The following MS4A7 variants were observed in gnomAD, a reference collection of about 807,000 sequenced individuals.
MS4A7 encodes the protein membrane spanning 4-domains A7.
A neutral mutation model predicts 23.5 loss-of-function variants in MS4A7; 21 were observed. The ratio of observed to expected loss-of-function variants is 0.89; its 90% CI spans 0.63 to 1.29. The LOEUF (loss-of-function observed/expected upper bound fraction) is 1.29, where lower values mean the gene tolerates loss of function less well. MS4A7 is among the 50% of genes most tolerant of loss of function. The probability of loss-of-function intolerance (pLI) is 0.00; values close to 1 mark genes in which losing one functional copy is unlikely to be tolerated. For synonymous variants in MS4A7, 111 were observed against 107.4 expected, an observed-to-expected ratio of 1.03 and a Z score of -0.21; for missense variants, 263 against 274.2, an observed-to-expected ratio of 0.96 and a Z score of 0.29.
chr11:60,385,852 G>A (rs994293009), intron 3 of MS4A7, among the ~76,000 whole-genome samples: 4 of 152,204 alleles, frequency 2.6e-5, no homozygotes, highest in Non-Finnish European at 5.9e-5. Context: ...TCTTCTCCAC[G>A]TAGTATTTGG....
Position 60,383,258 on chromosome 11 carries a change from C to T in MS4A7, c.117C>T (p.Asn39=), listed in dbSNP as rs767560560. The T allele has an allele frequency of 1.5e-5, 25 of 1,613,998 alleles. No individual in the cohort carries two copies. Among genetic ancestry groups the T allele is most frequent in the Middle Eastern group, 3.3e-4 (2 of 6,084 alleles). The change falls in exon 2 of 7, where the codon AAC becomes AAT. Residue 39 remains asparagine, a synonymous_variant. Coordinates refer to ENST00000300184, the MANE Select transcript of MS4A7 (RefSeq NM_021201.5). The part of the protein sequence containing the change: ...HMYQNEDYLQ[N]GLPTETTVLG... ...ACCAAAACGAAGATTACCTGCAGAA[C>T]GGGCTGCCAACAGAAACCACCGTTC...
intron 5 of MS4A7, 79 bp from the exon 6 acceptor site, chr11:60,392,606 C>T: frequency 9.7e-7 from 1 of 1,029,094 alleles, no homozygotes; most frequent in South Asian, 1.4e-5. Flanking sequence ...TTGCTGGAGC[C>T]TCATCGCCCT....
intron 1 of MS4A7, among the ~76,000 whole-genome samples, 176 bp downstream of exon 1, chr11:60,378,840 G>A (rs1040080728): frequency 6.6e-6 from 1 of 152,202 alleles, no homozygotes; most frequent in South Asian, 2.1e-4. Context: ...AGAAAATTGG[G>A]TAAAACCATT....
At chr11:60,379,314 G>A (rs75613915) in intron 1 of MS4A7, among the ~76,000 whole-genome samples, 3,654 of 152,234 alleles carry the variant, frequency 0.024, 148 homozygotes, top group African/African-American at 0.077. Flanking sequence ...ATTAAATGCA[G>A]GAGGTATCAC....
chr11:60,385,097 A>T lies in MS4A7; in HGVS notation c.157A>T (p.Ile53Phe). 1 of 1,613,834 alleles carries T rather than the reference A, an allele frequency of 6.2e-7. No individual in the cohort carries two copies. Among genetic ancestry groups the T allele is most frequent in the Non-Finnish European group, 8.5e-7 (1 of 1,179,818 alleles). Residue 53 changes from isoleucine to phenylalanine, a missense_variant, in exon 3 of 7, where the codon ATC becomes TTC. Transcript: ENST00000300184. The part of the protein sequence containing the change: ...TETTVLGTVQ[I>F]LCCLLISSLG... ...GTCTTCTCTCTTGTAGACTGTCCAGATCCTGTGTTGCCTGTTGATTTCAAG... is the reference window on the plus strand; with the variant it reads ...GTCTTCTCTCTTGTAGACTGTCCAGTTCCTGTGTTGCCTGTTGATTTCAAG...
chr11:60,381,623 C>T (rs999893828), intron 1 of MS4A7, among the ~76,000 whole-genome samples: 1 of 152,150 alleles, frequency 6.6e-6, no homozygotes, highest in Non-Finnish European at 1.5e-5. Flanking sequence ...CTGCCTACGG[C>T]CAGCTCATCA....
At chr11:60,385,030 A>G in intron 2 of MS4A7, 58 bp from the exon 3 acceptor site, 1 of 1,511,680 alleles carries the variant, frequency 6.6e-7, no homozygotes, top group East Asian at 2.3e-5. Context: ...TGTGCATTCA[A>G]ATAATCACTT....
Position 60,383,229 on chromosome 11 carries a change from A to G in MS4A7, c.88A>G (p.Met30Val), listed in dbSNP as rs190611238. 2 of 1,614,206 alleles carry G rather than the reference A, an allele frequency of 1.2e-6. No individual in the cohort carries two copies. The highest frequency in any genetic ancestry group is 1.7e-5 in the Admixed American group (1 of 60,036). The change falls in exon 2 of 7, where the codon ATG (methionine) becomes GTG (valine). Residue 30 changes from methionine to valine, a missense_variant. By Grantham distance (21) the Met-to-Val change is conservative. Transcript: ENST00000300184. ...CCCTCAAAGAGAGAAACCTGGACAC[A>G]TGTACCAAAACGAAGATTACCTGCA... ...TIPQREKPGHMYQNEDYLQNG... is the reference protein window; with the variant it reads ...TIPQREKPGHVYQNEDYLQNG...
In MS4A7 at chr11:60,386,731, A is replaced by T; in HGVS notation, c.297A>T (p.Gly99=). ...CTTCTGGGCAGTTTGGCATTACTGG[A>T]TCCCTCTCAATTATCTCTGGAAAAC... ...FLGALCFGIT[G]SLSIISGKQS... is the part of the protein sequence containing the mutation. Residue 99 remains glycine (G), a synonymous_variant, in exon 4 of 7, where the codon GGA becomes GGT. Transcript: ENST00000300184. The T allele has an allele frequency of 6.2e-7, 1 of 1,613,208 alleles. No individual in the cohort carries two copies. Among genetic ancestry groups the T allele is most frequent in the Non-Finnish European group, 8.5e-7 (1 of 1,179,296 alleles).
intron 1 of MS4A7, 29 bp from the exon 2 acceptor site, chr11:60,383,100 A>C (rs763249933): frequency 6.2e-7 from 1 of 1,605,976 alleles, no homozygotes; most frequent in African/African-American, 1.3e-5. Context: ...AAACCTTGGG[A>C]AGTAACTGAG....
rs1462457353 is a variant in MS4A7, at chr11:60,394,820, A to G, written c.*959A>G. On this transcript the variant is annotated 3_prime_UTR_variant, in exon 7 of 7. Coordinates refer to ENST00000300184, the MANE Select transcript of MS4A7 (RefSeq NM_021201.5). ...TCCATCTCAAAATAAATAAAAAAAT[A>G]AATAAAAATAAAAATAGACTATATA... The G allele has an allele frequency of 3.3e-5, 12 of 368,138 alleles. No homozygotes were observed. The highest frequency in any genetic ancestry group is 1.3e-4 in the Admixed American group (3 of 22,334). 22.8% of individuals were successfully genotyped at this position (368,138 alleles called of 1,614,324 possible).
At position 60,394,120 on chromosome 11, in the gene MS4A7, CAGA is replaced by C. The variant is rs1413500851; in HGVS notation, c.*262_*264del. 1 of 298,230 alleles carries C rather than the reference CAGA, an allele frequency of 3.4e-6. No homozygotes were observed. The highest frequency in any genetic ancestry group is 6.1e-6 in the Non-Finnish European group (1 of 163,510). 18.5% of individuals were successfully genotyped at this position (298,230 alleles called of 1,614,324 possible). Reference sequence around the variant, plus strand: ...TATAAACTGCTTTGGGTAAACTGAGCAGAAGGTGATACACAGAAGGGAAAATGT... The same window carrying C: ...TATAAACTGCTTTGGGTAAACTGAGCAGGTGATACACAGAAGGGAAAATGT... On this transcript the variant is annotated 3_prime_UTR_variant, in exon 7 of 7. Transcript: ENST00000300184.
At chr11:60,386,677 C>A in intron 3 of MS4A7, 40 bp from the exon 4 acceptor site, 5 of 1,547,274 alleles carry the variant, frequency 3.2e-6, no homozygotes, top group African/African-American at 1.4e-5. Context: ...CACATTTCCA[C>A]AAGACAACTG....
At chr11:60,386,817 G>T in intron 4 of MS4A7, 44 bp downstream of exon 4, 1 of 1,425,786 alleles carries the variant, frequency 7.0e-7, no homozygotes, top group Non-Finnish European at 9.8e-7. Context: ...GGAATTGAAG[G>T]AACGTCAGAG....
chr11:60,390,131 A>C (rs2085535624), intron 5 of MS4A7: 1 of 157,090 alleles, frequency 6.4e-6, no homozygotes, highest in African/African-American at 2.4e-5. Flanking sequence ...TTAGGCACAA[A>C]ACTTGAACCT....
intron 5 of MS4A7, 64 bp from the exon 6 acceptor site, chr11:60,392,621 C>T (rs1342303302): frequency 1.6e-6 from 2 of 1,278,384 alleles, no homozygotes; most frequent in African/African-American, 3.0e-5. Flanking sequence ...CGCCCTGTCT[C>T]CTCTTAGCCA....
In MS4A7 at chr11:60,395,439, A is replaced by G. The variant is rs2085606077; in HGVS notation, c.*1578A>G. 1 of 152,366 alleles carries G rather than the reference A, an allele frequency of 6.6e-6. No individual in the cohort carries two copies. Among genetic ancestry groups the G allele is most frequent in the Admixed American group, 6.5e-5 (1 of 15,278 alleles). 9.4% of individuals were successfully genotyped at this position (152,366 alleles called of 1,614,324 possible). On this transcript the variant is annotated 3_prime_UTR_variant, in exon 7 of 7. Transcript: ENST00000300184. ...CTGCTATCGATGGTCGCTACAAACCAGGAAATACTCAAGTTATTATGTGTA... is the reference window on the plus strand; with the variant it reads ...CTGCTATCGATGGTCGCTACAAACCGGGAAATACTCAAGTTATTATGTGTA...
intron 5 of MS4A7, among the ~76,000 whole-genome samples, chr11:60,391,351 A>C (rs1003054010): frequency 3.9e-5 from 6 of 152,210 alleles, no homozygotes; most frequent in Non-Finnish European, 8.8e-5. Flanking sequence ...GTTCTAGCAG[A>C]ATCAAATCTA....
At chr11:60,380,415 T>A (rs796725574) in intron 1 of MS4A7, among the ~76,000 whole-genome samples, 26 of 152,368 alleles carry the variant, frequency 1.7e-4, no homozygotes, top group African/African-American at 4.6e-4. Flanking sequence ...TTCTTCAAAC[T>A]GTATTCCCTT....
Sources: gnomAD v4.1 joint callset for allele counts (sites outside exome capture counted in the v4.1 genomes callset) on GRCh38, gnomAD v4.1.1 for gene constraint, MANE v1.5 for transcripts, NCBI Gene and HGNC (gene_info 2026-07-23, HGNC 2026-07-21) for gene names.